Variants in RGS6 observed in about 807,000 individuals in gnomAD.
RGS6 encodes regulator of G-protein signaling 6.
Under a neutral mutation model 78.5 loss-of-function variants are expected in RGS6, and 30 were observed. The ratio of observed to expected loss-of-function variants is 0.38; its 90% CI spans 0.29 to 0.52. The LOEUF (loss-of-function observed/expected upper bound fraction) is 0.52, where lower values mean the gene tolerates loss of function less well. RGS6 is among the 20% of genes least tolerant of loss of function. The pLI is 0.85. For missense variants in RGS6, 495 were observed against 609.7 expected (o/e 0.81, Z 1.98); for synonymous variants, 206 against 206.0 (o/e 1.00, Z 0.00).
chr14:72,374,795 G>A (rs1389705411), intron 3 of RGS6, among the ~76,000 whole-genome samples: 1 of 152,138 alleles, frequency 6.6e-6, no homozygotes, highest in Non-Finnish European at 1.5e-5. Context: ...ATTTTTATAG[G>A]TCAAAGCTGG....
chr14:72,473,376 G>C (rs773665702), intron 9 of RGS6, among the ~76,000 whole-genome samples: 11 of 152,160 alleles, frequency 7.2e-5, no homozygotes, highest in Non-Finnish European at 1.6e-4. Context: ...CCCGGGAGGC[G>C]GAGCTTGCAG....
rs921730807 is a variant in RGS6 at position 72,075,137 on chromosome 14, T to C, written c.84+110262T>C. 5.3e-5 allele frequency among the ~76,000 whole-genome samples: 8 copies of C among 152,222 alleles called. No individual in the cohort carries two copies. The South Asian group carries it at 1.2e-3, about 24-fold the overall frequency. On this transcript the variant is annotated intron_variant, in intron 2 of 17. Coordinates refer to ENST00000553525, the MANE Select transcript of RGS6 (RefSeq NM_001204424.2). ...TTGTGTTGAAGGGCATGCACAGATATAGTTTCTGATTATTTTTCTCAGTCT... is the reference window on the plus strand; with the variant it reads ...TTGTGTTGAAGGGCATGCACAGATACAGTTTCTGATTATTTTTCTCAGTCT...
At chr14:71,981,152 T>C (rs1328234862) in intron 2 of RGS6, among the ~76,000 whole-genome samples, 1 of 147,946 alleles carries the variant, frequency 6.8e-6, no homozygotes, top group Non-Finnish European at 1.5e-5. Context: ...TTATTCTAGT[T>C]ATACATTCTT....
intron 2 of RGS6, among the ~76,000 whole-genome samples, chr14:72,195,379 G>A (rs932814513): frequency 7.9e-5 from 12 of 152,162 alleles, no homozygotes; most frequent in African/African-American, 2.7e-4. Flanking sequence ...TTAGGCAGAG[G>A]CCAGGGCTAT....
chr14:72,293,703 A>T (rs1486269234), intron 2 of RGS6, among the ~76,000 whole-genome samples: 1 of 152,228 alleles, frequency 6.6e-6, no homozygotes, highest in African/African-American at 2.4e-5. Context: ...TGTACTCAGC[A>T]GTAGACTCAT....
chr14:71,890,642 T>C, the RGS6 span, among the ~76,000 whole-genome samples: 4 of 152,388 alleles, frequency 2.6e-5, no homozygotes, highest in African/African-American at 4.8e-5. Flanking sequence ...GTTTTATAAC[T>C]GTTACAATTT....
At chr14:72,428,953 C>G (rs527398829) in intron 3 of RGS6, among the ~76,000 whole-genome samples, 16 of 152,338 alleles carry the variant, frequency 1.1e-4, no homozygotes, top group Non-Finnish European at 2.1e-4. Flanking sequence ...GTAATCCTAG[C>G]ACTTTGGGAG....
At chr14:72,450,541 G>A (rs530420130) in intron 3 of RGS6, among the ~76,000 whole-genome samples, 1 of 152,304 alleles carries the variant, frequency 6.6e-6, no homozygotes, top group Non-Finnish European at 1.5e-5. Flanking sequence ...AATGCTTTCA[G>A]ACAGTGTTTT....
At chr14:72,384,327 CTTTT>C (rs2087173109) in intron 3 of RGS6, among the ~76,000 whole-genome samples, 1 of 152,078 alleles carries the variant, frequency 6.6e-6, no homozygotes, top group Non-Finnish European at 1.5e-5. Context: ...AAGACACACT[CTTTT>C]TGTTTGGTAA....
At chr14:71,875,411 G>T in the RGS6 span, among the ~76,000 whole-genome samples, 1 of 152,158 alleles carries the variant, frequency 6.6e-6, no homozygotes, top group African/African-American at 2.4e-5. Context: ...ATTTCTTCTA[G>T]ATTTTCTAGT....
chr14:71,920,613 T>G, the RGS6 span, among the ~76,000 whole-genome samples: 1 of 140,246 alleles, frequency 7.1e-6, no homozygotes, highest in Non-Finnish European at 1.6e-5. Context: ...GTGAATTCCT[T>G]CTTGCATGCG....
chr14:71,928,196 C>T (rs1170255674), upstream of RGS6, among the ~76,000 whole-genome samples: 2 of 152,140 alleles, frequency 1.3e-5, no homozygotes, highest in Non-Finnish European at 2.9e-5. Flanking sequence ...ATAAGTACCC[C>T]AGGTGTTACT....
the RGS6 span, among the ~76,000 whole-genome samples, chr14:71,903,735 T>A: frequency 6.6e-6 from 1 of 152,340 alleles, no homozygotes; most frequent in South Asian, 2.1e-4. Context: ...TGGTATGACT[T>A]CTAAATATAG....
chr14:72,342,565 T>TAAAA (rs369765140), intron 2 of RGS6, among the ~76,000 whole-genome samples: 38 of 133,492 alleles, frequency 2.8e-4, no homozygotes, highest in African/African-American at 7.9e-4. Flanking sequence ...GACTCTGTCT[T>TAAAA]AAAAAAAAAA....
intron 17 of RGS6, 63 bp downstream of exon 17, chr14:72,540,157 C>A: frequency 3.1e-6 from 4 of 1,296,082 alleles, no homozygotes; most frequent in South Asian, 1.4e-5. Context: ...CTTTCTTCTT[C>A]TTTTTTTTTT....
In RGS6 at chr14:72,316,538, C is replaced by T. The variant is rs549276762; in HGVS notation, c.85-35557C>T. 1.5e-4 allele frequency among the ~76,000 whole-genome samples: 23 copies of T among 152,284 alleles called. 1 individual carries two copies. The South Asian group carries it at 4.8e-3, about 32-fold the overall frequency. On this transcript the variant is annotated intron_variant, in intron 2 of 17. Coordinates refer to ENST00000553525, the MANE Select transcript of RGS6 (RefSeq NM_001204424.2). Reference sequence around the variant, plus strand: ...TGCTGAGAATGATGGTTTCCAGCTTCATCCATGTCCCTACAAACGGCATGA... The same window carrying T: ...TGCTGAGAATGATGGTTTCCAGCTTTATCCATGTCCCTACAAACGGCATGA...
At chr14:72,579,917 T>A in the RGS6 span, among the ~76,000 whole-genome samples, 1 of 152,144 alleles carries the variant, frequency 6.6e-6, no homozygotes, top group Non-Finnish European at 1.5e-5. Context: ...GGGGCACGAA[T>A]TGAATCATAG....
chr14:72,150,725 G>A (rs2096672202), intron 2 of RGS6, among the ~76,000 whole-genome samples: 1 of 152,062 alleles, frequency 6.6e-6, no homozygotes, highest in South Asian at 2.1e-4. Flanking sequence ...CAAGAGAACA[G>A]CAAGGGGGAA....
At chr14:72,474,468 T>A (rs1276796275) in intron 9 of RGS6, among the ~76,000 whole-genome samples, 157 bp from the exon 10 acceptor site, 4 of 151,984 alleles carry the variant, frequency 2.6e-5, no homozygotes, top group Non-Finnish European at 5.9e-5. Context: ...GTATGGGAAC[T>A]CCACAGAGGA....
Sources: allele counts gnomAD v4.1 joint callset (sites outside exome capture counted in the v4.1 genomes callset), GRCh38; gene constraint gnomAD v4.1.1; transcripts MANE v1.5; gene names NCBI Gene and HGNC (gene_info 2026-07-23, HGNC 2026-07-21).